Variants in MAGI1 observed in about 807,000 individuals in gnomAD.
MAGI1 encodes the protein membrane associated guanylate kinase, WW and PDZ domain containing 1.
MAGI1 carries 58 observed loss-of-function variants against 139.9 expected under a neutral mutation model. The ratio of observed to expected loss-of-function variants is 0.41; its 90% CI spans 0.34 to 0.52. MAGI1 has a LOEUF of 0.52. MAGI1 is among the 20% of genes least tolerant of loss of function. The pLI, the probability that MAGI1 is intolerant of heterozygous loss-of-function variation, is 0.12. For synonymous variants in MAGI1, 812 were observed against 737.9 expected (o/e 1.10, Z -1.63); for missense variants, 1,874 against 1,901.6 (o/e 0.99, Z 0.27).
chr3:65,714,279 C>CTT (rs2031910361), intron 1 of MAGI1, among the ~76,000 whole-genome samples: 2 of 152,108 alleles, frequency 1.3e-5, no homozygotes, highest in Admixed American at 1.3e-4. Flanking sequence ...GCAAAGAACA[C>CTT]TAAGGCCTGA....
At chr3:65,898,105 C>T (rs946946481) in intron 1 of MAGI1, among the ~76,000 whole-genome samples, 21 of 152,188 alleles carry the variant, frequency 1.4e-4, no homozygotes, top group African/African-American at 4.6e-4. Context: ...TGTGATTAGA[C>T]TGACCACCAG....
At chr3:65,586,177 T>C (rs1015604258) in intron 2 of MAGI1, among the ~76,000 whole-genome samples, 4 of 151,626 alleles carry the variant, frequency 2.6e-5, no homozygotes, top group African/African-American at 9.7e-5. Context: ...GCCACTGTAC[T>C]CTAGCCTGAG....
At chr3:65,636,429 C>T (rs1446883882) in intron 1 of MAGI1, among the ~76,000 whole-genome samples, 1 of 152,122 alleles carries the variant, frequency 6.6e-6, no homozygotes, top group Non-Finnish European at 1.5e-5. Context: ...CTGTAGTCTT[C>T]CAGCTGCTAT....
chr3:65,463,962 C>A lies in MAGI1; in HGVS notation c.959+6321G>T, dbSNP rs1949996561. On this transcript the variant is annotated intron_variant, in intron 5 of 22. Coordinates refer to ENST00000402939, the MANE Select transcript of MAGI1 (RefSeq NM_001033057.2). ...ATGGTAGTTTGTATTTCTGTAGGAT[C>A]AGTGGTGATATCCCCTTTATCATTT... is the stretch of plus-strand genomic sequence containing the variant. 2.0e-5 allele frequency among the ~76,000 whole-genome samples: 3 copies of A among 152,166 alleles called. 1 individual carries two copies. The South Asian group carries it at 6.2e-4, about 32-fold the overall frequency.
At chr3:65,804,110 C>T (rs1249902798) in intron 1 of MAGI1, among the ~76,000 whole-genome samples, 1 of 151,976 alleles carries the variant, frequency 6.6e-6, no homozygotes, top group African/African-American at 2.4e-5. Context: ...TGAAGAAATT[C>T]GAAAAACAAA....
Position 65,684,753 on chromosome 3 carries a change from G to C in MAGI1, c.314-62665C>G, listed in dbSNP as rs913018285. ...GTCCTCCTCTGTCACCCTGGCAAGA[G>C]TGCAGTGCCATGATCTCAGCTCACT... On this transcript the variant is annotated intron_variant, in intron 1 of 22. Transcript: ENST00000402939. Among the ~76,000 whole-genome samples the C allele has an allele frequency of 7.9e-5, 12 of 151,844 alleles. 1 individual carries two copies. The highest frequency in any genetic ancestry group is 7.9e-4 in the Admixed American group (12 of 15,240).
At chr3:65,837,433 C>T (rs1253681511) in intron 1 of MAGI1, among the ~76,000 whole-genome samples, 2 of 152,116 alleles carry the variant, frequency 1.3e-5, no homozygotes, top group African/African-American at 4.8e-5. Context: ...GGAATTCTTC[C>T]AGCAACATTC....
At chr3:65,414,962 G>A (rs1197817009) in intron 12 of MAGI1, among the ~76,000 whole-genome samples, 7 of 147,272 alleles carry the variant, frequency 4.8e-5, no homozygotes, top group Admixed American at 1.4e-4. Context: ...CCGGGAGGCA[G>A]AGGTTGTGGT....
intron 12 of MAGI1, among the ~76,000 whole-genome samples, chr3:65,404,044 C>T (rs1945129287): frequency 6.6e-6 from 1 of 152,174 alleles, no homozygotes; most frequent in African/African-American, 2.4e-5. Context: ...GTGTTCCACA[C>T]ACTCAAACAC....
intron 1 of MAGI1, chr3:65,924,754 A>T (rs369305379): frequency 2.6e-5 from 4 of 152,460 alleles, no homozygotes; most frequent in African/African-American, 9.7e-5. Context: ...TTTCTTATAT[A>T]TCAAATGAGA....
intron 2 of MAGI1, among the ~76,000 whole-genome samples, chr3:65,544,084 T>C (rs759444411): frequency 6.6e-6 from 1 of 152,172 alleles, no homozygotes; most frequent in African/African-American, 2.4e-5. Flanking sequence ...ATAAAGTAGA[T>C]ATATCCAGAT....
chr3:65,636,536 G>A (rs562505359), intron 1 of MAGI1, among the ~76,000 whole-genome samples: 1 of 152,168 alleles, frequency 6.6e-6, no homozygotes, highest in South Asian at 2.1e-4. Flanking sequence ...GGTGATTTAT[G>A]TAAGACAACC....
intron 2 of MAGI1, among the ~76,000 whole-genome samples, chr3:65,506,894 G>A (rs1192704917): frequency 2.0e-5 from 3 of 152,152 alleles, no homozygotes; most frequent in African/African-American, 7.2e-5. Context: ...GAAAAAAGGA[G>A]TTTATGCCCA....
At chr3:65,964,739 C>T (rs2107125666) in intron 1 of MAGI1, among the ~76,000 whole-genome samples, 1 of 152,284 alleles carries the variant, frequency 6.6e-6, no homozygotes, top group East Asian at 1.9e-4. Context: ...TCTCCCTGAC[C>T]AGAATCCCCA....
rs2037507042 is a variant in MAGI1 at position 65,766,707 on chromosome 3, TG to T, written c.314-144620del. ...GAGTTTGAGACTAGCCTGGCCAATC[TG>T]GTGAAACCCTGTCTCTACTAAAAAT... is the stretch of plus-strand genomic sequence containing the variant. On this transcript the variant is annotated intron_variant, in intron 1 of 22. Transcript: ENST00000402939. 2.0e-5 allele frequency among the ~76,000 whole-genome samples: 3 copies of T among 152,132 alleles called. No homozygotes were observed. The South Asian group carries it at 6.2e-4, about 31-fold the overall frequency.
At chr3:65,577,952 A>T (rs940085370) in intron 2 of MAGI1, among the ~76,000 whole-genome samples, 3 of 151,568 alleles carry the variant, frequency 2.0e-5, no homozygotes, top group Non-Finnish European at 3.0e-5. Flanking sequence ...TCTCTCTCTC[A>T]CACACTCTCA....
chr3:65,401,037 C>T (rs1944846177), intron 13 of MAGI1, among the ~76,000 whole-genome samples: 1 of 152,008 alleles, frequency 6.6e-6, no homozygotes, highest in Non-Finnish European at 1.5e-5. Flanking sequence ...CGGCTGGGAA[C>T]ACCAGTTGAG....
chr3:65,596,450 A>C (rs2082202551), intron 2 of MAGI1, among the ~76,000 whole-genome samples: 1 of 152,198 alleles, frequency 6.6e-6, no homozygotes, highest in Non-Finnish European at 1.5e-5. Flanking sequence ...GTAGTCTCCT[A>C]ATTGATTCTC....
intron 2 of MAGI1, among the ~76,000 whole-genome samples, chr3:65,496,615 T>C (rs759700976): frequency 5.3e-5 from 8 of 152,172 alleles, no homozygotes; most frequent in Non-Finnish European, 7.3e-5. Flanking sequence ...AAGCGCCACA[T>C]GCATTAGCTA....
Sources: allele counts gnomAD v4.1 joint callset (sites outside exome capture counted in the v4.1 genomes callset), GRCh38; gene constraint gnomAD v4.1.1; transcripts MANE v1.5; gene names NCBI Gene and HGNC (gene_info 2026-07-23, HGNC 2026-07-21).